The following TBC1D1 variants were observed in gnomAD, a reference collection of about 807,000 sequenced individuals.
The protein encoded by TBC1D1 is TBC1 (tre-2/USP6, BUB2, cdc16) domain family, member 1.
TBC1D1 carries 89 observed loss-of-function variants against 125.6 expected under a neutral mutation model. The observed-to-expected ratio is 0.71, with a 90% CI of 0.60 to 0.85. The LOEUF (loss-of-function observed/expected upper bound fraction) is 0.85. Ranked by LOEUF, TBC1D1 falls within the 40% of genes least tolerant of loss-of-function variation. The pLI is 0.00. For synonymous variants in TBC1D1, 565 were observed against 564.1 expected (o/e 1.00, Z -0.02); for missense variants, 1,377 against 1,469.2 (o/e 0.94, Z 1.03).
chr4:37,895,037 T>G (rs2152206549), intron 1 of TBC1D1, among the ~76,000 whole-genome samples: 1 of 152,310 alleles, frequency 6.6e-6, no homozygotes, highest in African/African-American at 2.4e-5. Context: ...TGGTAGGTGG[T>G]CAACAGATAT....
At chr4:38,077,432 T>C (rs943132150) in intron 12 of TBC1D1, among the ~76,000 whole-genome samples, 59 of 152,218 alleles carry the variant, frequency 3.9e-4, no homozygotes, top group African/African-American at 1.4e-3. Flanking sequence ...CTTTTATTGA[T>C]GCAAATGCTA....
At chr4:38,117,806 C>T (rs187440275) in intron 16 of TBC1D1, among the ~76,000 whole-genome samples, 4 of 152,328 alleles carry the variant, frequency 2.6e-5, no homozygotes, top group African/African-American at 9.6e-5. Flanking sequence ...CAGTAGAAGA[C>T]CCAGCGTTAG....
chr4:38,024,385 G>C (rs1160476542), intron 6 of TBC1D1, among the ~76,000 whole-genome samples: 1 of 152,180 alleles, frequency 6.6e-6, no homozygotes, highest in South Asian at 2.1e-4. Flanking sequence ...GCAGGAACTG[G>C]AATGCTTCCA....
intron 15 of TBC1D1, among the ~76,000 whole-genome samples, chr4:38,106,511 C>T (rs1366786232): frequency 6.6e-6 from 1 of 152,172 alleles, no homozygotes; most frequent in African/African-American, 2.4e-5. Flanking sequence ...TGGTGAGTTA[C>T]AGGAAATGCC....
intron 12 of TBC1D1, among the ~76,000 whole-genome samples, chr4:38,087,310 T>G (rs1757654352): frequency 6.6e-6 from 1 of 152,238 alleles, no homozygotes; most frequent in South Asian, 2.1e-4. Flanking sequence ...CAGTGGTCCT[T>G]GTCAGTAGCC....
chr4:38,101,083 G>A (rs1274661326), intron 14 of TBC1D1, among the ~76,000 whole-genome samples: 28 of 152,064 alleles, frequency 1.8e-4, no homozygotes, highest in Admixed American at 1.7e-3. Flanking sequence ...GTATGGTATG[G>A]GCCAATACAC....
In TBC1D1 at chr4:37,944,641, G is replaced by A. The variant is rs539926449; in HGVS notation, c.417+42129G>A. 1.7e-4 allele frequency among the ~76,000 whole-genome samples: 26 copies of A among 152,330 alleles called. No individual in the cohort carries two copies. The South Asian group carries it at 3.5e-3, about 21-fold the overall frequency. On this transcript the variant is annotated intron_variant, in intron 2 of 19. Coordinates refer to ENST00000261439, the MANE Select transcript of TBC1D1 (RefSeq NM_015173.4). ...GTGTGGAACCCTTTGAGCCAGGTGC[G>A]GGACATAATCTCCTGGTGTGCCGTT...
intron 2 of TBC1D1, among the ~76,000 whole-genome samples, chr4:37,986,062 A>G (rs1401554403): frequency 6.6e-6 from 1 of 152,258 alleles, no homozygotes. Context: ...ATCAGTATAA[A>G]TAAATTACTC....
intron 13 of TBC1D1, among the ~76,000 whole-genome samples, chr4:38,091,922 T>C (rs931755339): frequency 2.6e-5 from 4 of 152,264 alleles, no homozygotes; most frequent in African/African-American, 7.2e-5. Context: ...TTATTTTTAC[T>C]GTTTGACTTC....
intron 2 of TBC1D1, among the ~76,000 whole-genome samples, chr4:37,919,120 A>C (rs1390888099): frequency 6.6e-6 from 1 of 150,772 alleles, no homozygotes; most frequent in Non-Finnish European, 1.5e-5. Flanking sequence ...GTACAGTTTG[A>C]AAATGAAAGG....
chr4:37,948,099 A>G (rs910120765), intron 2 of TBC1D1, among the ~76,000 whole-genome samples: 1 of 152,140 alleles, frequency 6.6e-6, no homozygotes, highest in Non-Finnish European at 1.5e-5. Flanking sequence ...ATGCAGTCAA[A>G]CTGCAAGACC....
At chr4:37,898,625 T>C (rs1026151939) in intron 1 of TBC1D1, among the ~76,000 whole-genome samples, 15 of 152,344 alleles carry the variant, frequency 9.8e-5, no homozygotes, top group African/African-American at 3.4e-4. Context: ...AGATGTCACC[T>C]GACCTGTGGG....
intron 12 of TBC1D1, among the ~76,000 whole-genome samples, chr4:38,071,739 G>C (rs1032878999): frequency 6.6e-6 from 1 of 152,180 alleles, no homozygotes; most frequent in African/African-American, 2.4e-5. Context: ...AAGTTCTTCT[G>C]TTTGCTTAAA....
At chr4:38,045,025 C>T (rs550106398) in intron 9 of TBC1D1, among the ~76,000 whole-genome samples, 1 of 152,350 alleles carries the variant, frequency 6.6e-6, no homozygotes, top group South Asian at 2.1e-4. Flanking sequence ...GCCACAAACA[C>T]TATATGCCTC....
chr4:38,047,992 G>A (rs1483001362), intron 10 of TBC1D1, among the ~76,000 whole-genome samples: 3 of 152,070 alleles, frequency 2.0e-5, no homozygotes, highest in African/African-American at 4.8e-5. Context: ...TTCAGGACTC[G>A]ATAGTTGTGA....
Position 37,965,557 on chromosome 4 carries a change from T to C in TBC1D1, c.418-48952T>C, listed in dbSNP as rs1489460461. On this transcript the variant is annotated intron_variant, in intron 2 of 19. Coordinates refer to ENST00000261439, the MANE Select transcript of TBC1D1 (RefSeq NM_015173.4). ...GGAGGGAGGTGATCCCTGCACTGAG[T>C]TGGCATTCTTTTTTATACTTGTGTT... Among the ~76,000 whole-genome samples the C allele has an allele frequency of 3.3e-5, 5 of 152,094 alleles. No homozygotes were observed. In the South Asian group the frequency reaches 1.0e-3, roughly 32 times the overall value.
At chr4:38,108,078 C>T (rs1041598944) in intron 15 of TBC1D1, among the ~76,000 whole-genome samples, 2 of 152,170 alleles carry the variant, frequency 1.3e-5, no homozygotes, top group African/African-American at 4.8e-5. Context: ...TTGTCCAGCC[C>T]TCAGACAATT....
At chr4:38,079,409 C>T (rs16994195) in intron 12 of TBC1D1, among the ~76,000 whole-genome samples, 25,875 of 152,056 alleles carry the variant, frequency 0.17, 2,405 homozygotes, top group African/African-American at 0.23. Flanking sequence ...GATGAAAGTG[C>T]GACTTGACTG....
At chr4:38,132,053 G>A (rs1336659590) in intron 18 of TBC1D1, among the ~76,000 whole-genome samples, 1 of 152,236 alleles carries the variant, frequency 6.6e-6, no homozygotes, top group Non-Finnish European at 1.5e-5. Context: ...CCAGTAGGGA[G>A]CCATCAGAAG....
Sources: allele counts gnomAD v4.1 joint callset (sites outside exome capture counted in the v4.1 genomes callset), GRCh38; gene constraint gnomAD v4.1.1; transcripts MANE v1.5; gene names NCBI Gene and HGNC (gene_info 2026-07-23, HGNC 2026-07-21).